Variants in TNFRSF19 observed in about 807,000 individuals in gnomAD.
TNFRSF19 encodes the protein TNF receptor superfamily member 19, also known as tumor necrosis factor receptor superfamily member 19.
In TNFRSF19, 27 loss-of-function variants were observed where a neutral mutation model predicts 46.4. The ratio of observed to expected loss-of-function variants is 0.58; its 90% CI spans 0.43 to 0.80. TNFRSF19 has a LOEUF of 0.80. TNFRSF19 is among the 30% of genes least tolerant of loss of function. The pLI is 0.00. For synonymous variants in TNFRSF19, 204 were observed against 205.0 expected (o/e 1.00, Z 0.04); for missense variants, 511 against 530.8 (o/e 0.96, Z 0.37).
At chr13:23,665,967 C>T (rs1261901343) in intron 7 of TNFRSF19, among the ~76,000 whole-genome samples, 2 of 152,098 alleles carry the variant, frequency 1.3e-5, no homozygotes, top group Admixed American at 6.6e-5. Flanking sequence ...TTGAAAAGTA[C>T]AGGCCAGCAC....
Position 23,579,003 on chromosome 13 carries a change from C to T in TNFRSF19, c.-35+8155C>T, listed in dbSNP as rs533230427. 2.2e-4 allele frequency among the ~76,000 whole-genome samples: 33 copies of T among 152,372 alleles called. No homozygotes were observed. The East Asian group carries it at 5.2e-3, about 24-fold the overall frequency. ...AGCGCAGACCTGGCCGCCGTATCCCCTCTGGCTGGGATGCGGGCCCACGCG... is the reference window on the plus strand; with the variant it reads ...AGCGCAGACCTGGCCGCCGTATCCCTTCTGGCTGGGATGCGGGCCCACGCG... On this transcript the variant is annotated intron_variant, in intron 1 of 9. Transcript: ENST00000248484.
In TNFRSF19 at chr13:23,625,477, C is replaced by T. The variant is rs374645066; in HGVS notation, c.360-1230C>T. Among the ~76,000 whole-genome samples, 470 of 151,898 alleles carry T rather than the reference C, an allele frequency of 3.1e-3. 4 individuals carry two copies. The highest frequency in any genetic ancestry group is 0.011 in the African/African-American group (440 of 41,460). ...CCTAGTAGCTGGGACTACAGGCGCC[C>T]GCCACCACGCCCAGCTATTTTTTTG... On this transcript the variant is annotated intron_variant, in intron 4 of 9. Coordinates refer to ENST00000248484, the MANE Select transcript of TNFRSF19 (RefSeq NM_148957.4).
chr13:23,570,472 A>C lies in TNFRSF19; in HGVS notation c.-411A>C, dbSNP rs1593219582. The C allele has an allele frequency of 6.6e-6, 1 of 152,334 alleles. No individual in the cohort carries two copies. Among genetic ancestry groups the C allele is most frequent in the African/African-American group, 2.4e-5 (1 of 41,458 alleles). 9.4% of individuals were successfully genotyped at this position (152,334 alleles called of 1,614,324 possible). The stretch of plus-strand genomic sequence containing the variant: ...AGCTTGGGAACCAAAAAAGCTACAG[A>C]TCCAGCCACTCAGCCCAAGCATGGG... On this transcript the variant is annotated 5_prime_UTR_variant, in exon 1 of 10. Coordinates refer to ENST00000248484, the MANE Select transcript of TNFRSF19 (RefSeq NM_148957.4).
intron 9 of TNFRSF19, among the ~76,000 whole-genome samples, chr13:23,671,921 T>C (rs1301711605): frequency 6.6e-6 from 1 of 152,224 alleles, no homozygotes; most frequent in Non-Finnish European, 1.5e-5. Context: ...AGCACAGGGC[T>C]TCTTGTTAAT....
chr13:23,657,302 G>C (rs1005936736), intron 5 of TNFRSF19, among the ~76,000 whole-genome samples: 4 of 152,136 alleles, frequency 2.6e-5, no homozygotes, highest in Non-Finnish European at 4.4e-5. Context: ...TTTCTCTCTG[G>C]GGCTGTAGTC....
intron 7 of TNFRSF19, among the ~76,000 whole-genome samples, chr13:23,666,097 G>A (rs906484839): frequency 4.6e-5 from 7 of 152,236 alleles, no homozygotes; most frequent in Non-Finnish European, 1.0e-4. Flanking sequence ...ACTGTATCAG[G>A]AGGCAGAGTT....
At chr13:23,589,485 C>A (rs1369019084) in intron 1 of TNFRSF19, among the ~76,000 whole-genome samples, 1 of 152,186 alleles carries the variant, frequency 6.6e-6, no homozygotes, top group East Asian at 1.9e-4. Context: ...ACGAAGTTGT[C>A]AAGATACAAG....
chr13:23,636,706 T>C (rs1240684226), intron 5 of TNFRSF19, among the ~76,000 whole-genome samples: 3 of 152,180 alleles, frequency 2.0e-5, no homozygotes, highest in Non-Finnish European at 4.4e-5. Context: ...AGCTGGTGAC[T>C]GAGTCGATAG....
Position 23,579,065 on chromosome 13 carries a change from G to A in TNFRSF19, c.-35+8217G>A, listed in dbSNP as rs114961413. Among the ~76,000 whole-genome samples the A allele has an allele frequency of 2.7e-3, 412 of 152,342 alleles. 3 individuals carry two copies. Among genetic ancestry groups the A allele is most frequent in the African/African-American group, 8.8e-3 (367 of 41,596 alleles). On this transcript the variant is annotated intron_variant, in intron 1 of 9. Coordinates refer to ENST00000248484, the MANE Select transcript of TNFRSF19 (RefSeq NM_148957.4). ...AAGGTGGGGAACACCCCGGCGGAAA[G>A]GAACCCTCCCTCTCTGCTCTGAAGG...
At chr13:23,645,996 C>T (rs1883307171) in intron 5 of TNFRSF19, among the ~76,000 whole-genome samples, 1 of 152,174 alleles carries the variant, frequency 6.6e-6, no homozygotes, top group Admixed American at 6.5e-5. Flanking sequence ...TTGATTCTGC[C>T]TTTCCTTGCA....
intron 7 of TNFRSF19, among the ~76,000 whole-genome samples, chr13:23,664,764 A>G (rs1337984351): frequency 2.0e-5 from 3 of 152,218 alleles, no homozygotes; most frequent in Admixed American, 1.3e-4. Flanking sequence ...GCTAGATGGG[A>G]TAGCCTACTA....
At chr13:23,649,613 T>C (rs984884659) in intron 5 of TNFRSF19, among the ~76,000 whole-genome samples, 2 of 152,130 alleles carry the variant, frequency 1.3e-5, no homozygotes, top group African/African-American at 4.8e-5. Context: ...TGGTTTTTTT[T>C]CCCATAATGT....
chr13:23,617,602 G>T (rs1277440791), intron 4 of TNFRSF19, among the ~76,000 whole-genome samples: 1 of 152,220 alleles, frequency 6.6e-6, no homozygotes, highest in Non-Finnish European at 1.5e-5. Flanking sequence ...AGACAGAAGA[G>T]AGAGGAAGCA....
In TNFRSF19 at chr13:23,668,644, G is replaced by A. The variant is rs145816521; in HGVS notation, c.840-48G>A. On this transcript the variant is annotated intron_variant, in intron 8 of 9. Transcript: ENST00000248484. ...GGCTGACATGCTTCTTTGTAGTAGT[G>A]TTTTTCTCCCCATCAAAAACTTTAA... 376 of 1,556,222 alleles carry A rather than the reference G, an allele frequency of 2.4e-4. 2 individuals carry two copies. In the African/African-American group the frequency reaches 4.3e-3, roughly 18 times the overall value.
At chr13:23,598,584 T>C (rs367663769) in intron 3 of TNFRSF19, among the ~76,000 whole-genome samples, 262 of 152,336 alleles carry the variant, frequency 1.7e-3, no homozygotes, top group African/African-American at 5.7e-3. Context: ...TGTCTTATTA[T>C]TGATCTCACC....
intron 3 of TNFRSF19, among the ~76,000 whole-genome samples, chr13:23,608,276 C>T (rs548034059): frequency 5.3e-5 from 8 of 152,248 alleles, no homozygotes; most frequent in South Asian, 4.1e-4. Context: ...TTCATGTAAA[C>T]GACATCTGTT....
intron 4 of TNFRSF19, among the ~76,000 whole-genome samples, chr13:23,624,999 GCCT>G (rs1481732257): frequency 6.6e-6 from 1 of 152,068 alleles, no homozygotes; most frequent in African/African-American, 2.4e-5. Flanking sequence ...TGATCCACCT[GCCT>G]CAGCCTCCCA....
chr13:23,604,342 G>C (rs1453313373), intron 3 of TNFRSF19, among the ~76,000 whole-genome samples: 1 of 151,582 alleles, frequency 6.6e-6, no homozygotes, highest in African/African-American at 2.4e-5. Context: ...AGACTCTGAT[G>C]AAAGAAATAA....
At chr13:23,629,743 CA>C (rs558817030) in intron 5 of TNFRSF19, among the ~76,000 whole-genome samples, 182 of 152,350 alleles carry the variant, frequency 1.2e-3, no homozygotes, top group Admixed American at 2.2e-3. Context: ...AGTAGTCCAG[CA>C]ACATGATACC....
Sources: gnomAD v4.1 joint callset for allele counts (sites outside exome capture counted in the v4.1 genomes callset) on GRCh38, gnomAD v4.1.1 for gene constraint, MANE v1.5 for transcripts, NCBI Gene and HGNC (gene_info 2026-07-23, HGNC 2026-07-21) for gene names.